The following SIN3B variants were observed in gnomAD, a reference collection of about 807,000 sequenced individuals.
The protein encoded by SIN3B is SIN3 transcription regulator family member B.
Under a neutral mutation model 120.2 loss-of-function variants are expected in SIN3B, and 19 were observed. That is an observed-to-expected ratio of 0.16 (90% CI 0.11 to 0.23). The LOEUF (loss-of-function observed/expected upper bound fraction) is 0.23. Among genes scored for constraint, SIN3B ranks in the 10% least tolerant of loss-of-function variants. The probability of loss-of-function intolerance (pLI) is 1.00; values close to 1 mark genes in which losing one functional copy is unlikely to be tolerated. For synonymous variants in SIN3B, 654 were observed against 653.2 expected, an observed-to-expected ratio of 1.00 and a Z score of -0.02; for missense variants, 1,073 against 1,573.0, an observed-to-expected ratio of 0.68 and a Z score of 5.38.
rs1198254698 is a variant in SIN3B at position 16,878,593 on chromosome 19, G to C, written c.3259G>C (p.Val1087Leu). The change falls in exon 19 of 19, where the codon GTG becomes CTG. Residue 1087 changes from valine to leucine, a missense_variant. Transcript: ENST00000248054. Reference sequence around the variant, plus strand: ...TGTGACGGTGGAGGCGGCTAGCCTGGTGCAGGACTGGCTGATGGGTGAGGA... The same window carrying C: ...TGTGACGGTGGAGGCGGCTAGCCTGCTGCAGGACTGGCTGATGGGTGAGGA... ...DNVTVEAASL[V>L]QDWLMGEEDE... is the part of the protein sequence containing the mutation. The C allele has an allele frequency of 6.2e-7, 1 of 1,612,170 alleles. No individual in the cohort carries two copies. Among genetic ancestry groups the C allele is most frequent in the Middle Eastern group, 1.7e-4 (1 of 6,052 alleles).
chr19:16,875,760 TTGGTC>T (rs2051592813), intron 14 of SIN3B, among the ~76,000 whole-genome samples: 1 of 145,732 alleles, frequency 6.9e-6, no homozygotes, highest in Non-Finnish European at 1.5e-5. Flanking sequence ...TCTGGTCTGT[TTGGTC>T]TGGTCTGTTT....
intron 14 of SIN3B, chr19:16,871,747 A>G: frequency 8.4e-6 from 2 of 238,958 alleles, no homozygotes; most frequent in Non-Finnish European, 1.6e-5. Context: ...CTCGTGCTTC[A>G]TTCCTTTTTA....
At chr19:16,829,571 A>G (rs1971250475) in intron 1 of SIN3B, 31 bp downstream of exon 1, 4 of 1,243,556 alleles carry the variant, frequency 3.2e-6, no homozygotes, top group Non-Finnish European at 4.0e-6. Flanking sequence ...CCCTCGGGGA[A>G]CCCATCTTCT....
intron 14 of SIN3B, among the ~76,000 whole-genome samples, chr19:16,873,318 C>T (rs1184394871): frequency 6.6e-6 from 1 of 152,116 alleles, no homozygotes; most frequent in Non-Finnish European, 1.5e-5. Context: ...CCCATAGCTG[C>T]GTTCTGACAC....
chr19:16,843,422 T>C (rs1212090570), intron 4 of SIN3B, among the ~76,000 whole-genome samples: 1 of 152,362 alleles, frequency 6.6e-6, no homozygotes, highest in African/African-American at 2.4e-5. Flanking sequence ...GGCATCATCA[T>C]GGGCCTTAGC....
intron 14 of SIN3B, among the ~76,000 whole-genome samples, chr19:16,873,366 C>T (rs1044414920): frequency 1.3e-5 from 2 of 152,148 alleles, no homozygotes; most frequent in South Asian, 2.1e-4. Context: ...TCCGTGTGCC[C>T]GAAATGGGTC....
chr19:16,850,225 A>G (rs1003193814), intron 5 of SIN3B, among the ~76,000 whole-genome samples: 1 of 152,146 alleles, frequency 6.6e-6, no homozygotes, highest in Non-Finnish European at 1.5e-5. Context: ...AAAATAGTAT[A>G]CACTAATGAA....
chr19:16,866,069 A>G (rs573317962), intron 11 of SIN3B, among the ~76,000 whole-genome samples: 1 of 152,328 alleles, frequency 6.6e-6, no homozygotes, highest in East Asian at 1.9e-4. Context: ...AGGCAGACCC[A>G]GTCCCTCTCT....
intron 3 of SIN3B, among the ~76,000 whole-genome samples, chr19:16,839,867 A>G (rs565859730): frequency 1.3e-5 from 2 of 152,214 alleles, no homozygotes; most frequent in Non-Finnish European, 2.9e-5. Flanking sequence ...AAATAGAAAA[A>G]TTAGCCAGCG....
rs1341105257 is a variant in SIN3B at position 16,862,788 on chromosome 19, G to A, written c.1266+229G>A. On this transcript the variant is annotated intron_variant, in intron 9 of 18. Coordinates refer to ENST00000248054, the MANE Select transcript of SIN3B (RefSeq NM_001297595.2). This position sits in a 1 kb window ranked among gnomAD's most constrained non-coding sequence, Gnocchi z 4.7. ...AACACAGAGTGCCAGGGATAACGTG[G>A]AGTTCGGCTTATTCATCTGTTATTT... is the stretch of plus-strand genomic sequence containing the variant. The A allele has an allele frequency of 9.3e-7, 1 of 1,078,986 alleles. No homozygotes were observed. Among genetic ancestry groups the A allele is most frequent in the Non-Finnish European group, 1.4e-6 (1 of 703,006 alleles). 66.8% of individuals were successfully genotyped at this position (1,078,986 alleles called of 1,614,324 possible).
Position 16,831,504 on chromosome 19 carries a change from C to G in SIN3B, c.238C>G (p.Pro80Ala). 1 of 1,614,088 alleles carries G rather than the reference C, an allele frequency of 6.2e-7. No homozygotes were observed. Among genetic ancestry groups the G allele is most frequent in the Non-Finnish European group, 8.5e-7 (1 of 1,179,958 alleles). ...CGTTGTTTCTTCTAGCATCGATACT[C>G]CTGGAGTCATCAGACGTGTCTCGCA... ...KEFKSQSIDTPGVIRRVSQLF... is the reference protein window; with the variant it reads ...KEFKSQSIDTAGVIRRVSQLF... The change falls in exon 3 of 19, where the codon CCT becomes GCT. Residue 80 changes from proline to alanine, a missense_variant. Transcript: ENST00000248054.
In SIN3B at chr19:16,876,099, G is replaced by A. The variant is rs1484868674; in HGVS notation, c.2637G>A (p.Glu879=). The change falls in exon 15 of 19, where the codon GAG becomes GAA. Residue 879 remains glutamate, a synonymous_variant. Transcript: ENST00000248054. This position sits in a 1 kb window ranked among gnomAD's most constrained non-coding sequence, Gnocchi z 7.1. ...ATGACGTCTGCCTGAAGGTGGTGGA[G>A]CTCTACCTGAACGAGAAGAAGCGGG... The part of the protein sequence containing the change: ...VSDDVCLKVV[E]LYLNEKKRGA... 1.3e-6 allele frequency: 2 copies of A among 1,591,840 alleles called. No individual in the cohort carries two copies. Among genetic ancestry groups the A allele is most frequent in the African/African-American group, 2.7e-5 (2 of 74,894 alleles).
At chr19:16,852,919 T>G (rs1599599542) in intron 6 of SIN3B, 150 bp from the exon 7 acceptor site, 1 of 555,296 alleles carries the variant, frequency 1.8e-6, no homozygotes, top group Non-Finnish European at 3.1e-6. Context: ...CCTGGGTAAC[T>G]GAGCGGCTCC....
chr19:16,865,694 T>A, intron 11 of SIN3B, 46 bp downstream of exon 11: 1 of 1,145,994 alleles, frequency 8.7e-7, no homozygotes, highest in South Asian at 1.5e-5. Context: ...CCTTCCCCCT[T>A]CCCTCCCCTC....
intron 12 of SIN3B, 73 bp downstream of exon 12, chr19:16,866,629 C>G: frequency 6.9e-7 from 1 of 1,455,178 alleles, no homozygotes; most frequent in Non-Finnish European, 9.5e-7. Flanking sequence ...GTCTGTGCCT[C>G]TGTTTCCCTG....
intron 2 of SIN3B, 118 bp from the exon 3 acceptor site, chr19:16,831,376 G>T: frequency 1.9e-6 from 2 of 1,073,684 alleles, no homozygotes; most frequent in Non-Finnish European, 2.7e-6. Context: ...CACATTTTAG[G>T]TTCCTTTGTT....
In SIN3B at chr19:16,877,444, G is replaced by A. The variant is rs185719486; in HGVS notation, c.2860-101G>A. 7,018 of 812,756 alleles carry A rather than the reference G, an allele frequency of 8.6e-3. 58 individuals carry two copies. Among genetic ancestry groups the A allele is most frequent in the Non-Finnish European group, 0.012 (6,071 of 494,116 alleles). The allele number at this position is 812,756 out of a possible 1,614,324, so 50.3% of individuals were successfully genotyped here. On this transcript the variant is annotated intron_variant, in intron 16 of 18. Transcript: ENST00000248054. ...CTCTCCTCATGCTCTGGCAGTGGGG[G>A]GCACAGAACCCCTGTGAGCTCCTGA...
chr19:16,876,242 T>C lies in SIN3B; in HGVS notation c.2766+14T>C. On this transcript the variant is annotated intron_variant, in intron 15 of 18. Coordinates refer to ENST00000248054, the MANE Select transcript of SIN3B (RefSeq NM_001297595.2). The surrounding 1 kb of genome is among the most constrained non-coding windows in gnomAD (Gnocchi z 7.1). ...AACTGCTTCAAGGTGAGAGGAGGCC[T>C]GGGGCTGGGAACACGCCGGGAGGCC... The C allele has an allele frequency of 6.2e-7, 1 of 1,603,006 alleles. No individual in the cohort carries two copies. The highest frequency in any genetic ancestry group is 8.5e-7 in the Non-Finnish European group (1 of 1,172,598).
At chr19:16,861,463 C>T (rs1231744665) in intron 8 of SIN3B, among the ~76,000 whole-genome samples, 2 of 152,028 alleles carry the variant, frequency 1.3e-5, no homozygotes, top group Non-Finnish European at 2.9e-5. Context: ...CCCATCTCTA[C>T]AAAAAAATTT....
Sources: gnomAD v4.1 joint callset for allele counts (sites outside exome capture counted in the v4.1 genomes callset) on GRCh38, gnomAD v4.1.1 for gene constraint, Gnocchi (gnomAD v3.1) non-coding constraint, MANE v1.5 for transcripts, NCBI Gene and HGNC (gene_info 2026-07-23, HGNC 2026-07-21) for gene names.